The following CAMTA1 variants were observed in gnomAD, a reference collection of about 807,000 sequenced individuals.
CAMTA1 encodes calmodulin-binding transcription activator 1.
A neutral mutation model predicts 170.9 loss-of-function variants in CAMTA1; 27 were observed. The ratio of observed to expected loss-of-function variants is 0.16; its 90% CI spans 0.12 to 0.22. The LOEUF (loss-of-function observed/expected upper bound fraction) is 0.22. Ranked by LOEUF, CAMTA1 falls within the 10% of genes least tolerant of loss-of-function variation. The pLI is 1.00. For synonymous variants in CAMTA1, 833 were observed against 891.5 expected (o/e 0.93, Z 1.17); for missense variants, 1,619 against 2,217.2 (o/e 0.73, Z 5.42).
chr1:6,931,579 C>G (rs1348778307), intron 3 of CAMTA1, among the ~76,000 whole-genome samples: 1 of 152,196 alleles, frequency 6.6e-6, no homozygotes, highest in Non-Finnish European at 1.5e-5. Flanking sequence ...CCTCCAAGTT[C>G]TGCCCAACGA....
chr1:7,262,613 G>T (rs1668345200), intron 5 of CAMTA1, among the ~76,000 whole-genome samples: 1 of 152,182 alleles, frequency 6.6e-6, no homozygotes, highest in African/African-American at 2.4e-5. Flanking sequence ...GCAGAACGAG[G>T]CTGCCTTGAT....
intron 4 of CAMTA1, among the ~76,000 whole-genome samples, chr1:7,167,100 C>T (rs531745199): frequency 6.6e-6 from 1 of 152,024 alleles, no homozygotes; most frequent in African/African-American, 2.4e-5. Context: ...TATGAGCCAC[C>T]GTGCCCGGAC....
Position 7,435,778 on chromosome 1 carries a change from C to T in CAMTA1, c.439-32052C>T, listed in dbSNP as rs774874931. Among the ~76,000 whole-genome samples the T allele has an allele frequency of 6.3e-4, 96 of 152,210 alleles. No homozygotes were observed. Among genetic ancestry groups the T allele is most frequent in the Non-Finnish European group, 1.1e-3 (78 of 68,026 alleles). ...GCCTATCTGAAGTCAGGGCAATCCA[C>T]GCAGAGAGCCCTCCTCATGGCCCGG... On this transcript the variant is annotated intron_variant, in intron 5 of 22. Transcript: ENST00000303635. The surrounding 1 kb of genome is among the most constrained non-coding windows in gnomAD (Gnocchi z 4.4).
chr1:7,567,285 T>C (rs948371422), intron 6 of CAMTA1, among the ~76,000 whole-genome samples: 3 of 151,920 alleles, frequency 2.0e-5, no homozygotes, highest in Non-Finnish European at 4.4e-5. Context: ...CGAAGTGTGG[T>C]GATGAGGACC....
At chr1:6,894,892 C>G (rs865822003) in intron 3 of CAMTA1, among the ~76,000 whole-genome samples, 9 of 152,078 alleles carry the variant, frequency 5.9e-5, no homozygotes, top group South Asian at 2.1e-4. Context: ...GTTTTAAAAG[C>G]CTGGTAAAAG....
chr1:7,126,938 T>C (rs1340798939), intron 4 of CAMTA1, among the ~76,000 whole-genome samples: 1 of 152,040 alleles, frequency 6.6e-6, no homozygotes, highest in Non-Finnish European at 1.5e-5. Flanking sequence ...GCCCAGCTAA[T>C]TTTTGTATTT....
At chr1:6,923,228 C>T (rs1489319399) in intron 3 of CAMTA1, among the ~76,000 whole-genome samples, 1 of 152,114 alleles carries the variant, frequency 6.6e-6, no homozygotes, top group Non-Finnish European at 1.5e-5. Context: ...GCTGTCCGAC[C>T]AGTGATGGCT....
chr1:7,148,037 C>T (rs1646330963), intron 4 of CAMTA1, among the ~76,000 whole-genome samples: 1 of 151,598 alleles, frequency 6.6e-6, no homozygotes, highest in South Asian at 2.1e-4. Flanking sequence ...ACACCACACA[C>T]TCATACACCA....
chr1:6,819,235 T>C (rs533439956), intron 1 of CAMTA1, among the ~76,000 whole-genome samples: 38 of 152,210 alleles, frequency 2.5e-4, no homozygotes, highest in Admixed American at 9.2e-4. Context: ...TTTTATTTAA[T>C]ACTGCAGCCA....
At chr1:7,537,174 G>A (rs563926307) in intron 6 of CAMTA1, among the ~76,000 whole-genome samples, 1 of 152,238 alleles carries the variant, frequency 6.6e-6, no homozygotes, top group South Asian at 2.1e-4. Context: ...CTAAGCAGGA[G>A]GGACGCATTG....
intron 5 of CAMTA1, among the ~76,000 whole-genome samples, chr1:7,364,226 C>A (rs1484043558): frequency 1.3e-5 from 2 of 152,184 alleles, no homozygotes; most frequent in Non-Finnish European, 2.9e-5. Context: ...GGCAGCGAGA[C>A]CAGCGAGGTG....
At chr1:7,284,915 G>T (rs530645023) in intron 5 of CAMTA1, among the ~76,000 whole-genome samples, 47 of 152,314 alleles carry the variant, frequency 3.1e-4, no homozygotes, top group African/African-American at 1.1e-3. Flanking sequence ...CTCGTGCAAG[G>T]AAGGATAGCC....
chr1:7,706,531 G>A (rs2096526793), intron 11 of CAMTA1, among the ~76,000 whole-genome samples: 1 of 152,174 alleles, frequency 6.6e-6, no homozygotes, highest in Non-Finnish European at 1.5e-5. Context: ...TTCCTGCTGT[G>A]TGTTTAGAAA....
intron 6 of CAMTA1, among the ~76,000 whole-genome samples, chr1:7,478,438 C>A (rs1366749612): frequency 6.6e-6 from 1 of 152,230 alleles, no homozygotes; most frequent in Admixed American, 6.5e-5. Flanking sequence ...ACCAGGACCT[C>A]TCCTGGCCTG....
At chr1:7,539,539 T>G (rs764747827) in intron 6 of CAMTA1, among the ~76,000 whole-genome samples, 2 of 152,246 alleles carry the variant, frequency 1.3e-5, no homozygotes, top group Non-Finnish European at 2.9e-5. Flanking sequence ...AGGGGATATA[T>G]CACTCCGAAG....
At chr1:7,204,359 T>C (rs1657280631) in intron 4 of CAMTA1, among the ~76,000 whole-genome samples, 1 of 152,152 alleles carries the variant, frequency 6.6e-6, no homozygotes, top group Non-Finnish European at 1.5e-5. Flanking sequence ...TTTTGGTATG[T>C]TGTGTCTTCA....
At chr1:7,594,199 GGGGA>G (rs1032995681) in intron 6 of CAMTA1, among the ~76,000 whole-genome samples, 5 of 89,806 alleles carry the variant, frequency 5.6e-5, no homozygotes, top group Non-Finnish European at 1.2e-4. Context: ...AAAGGAGGGA[GGGGA>G]AGGAAGGAAG....
At chr1:7,412,873 G>T (rs993477544) in intron 5 of CAMTA1, among the ~76,000 whole-genome samples, 2 of 152,180 alleles carry the variant, frequency 1.3e-5, no homozygotes, top group African/African-American at 4.8e-5. Context: ...TTCTTCTAGG[G>T]TTTTTATGCT....
At chr1:7,453,416 C>G (rs185727123) in intron 5 of CAMTA1, among the ~76,000 whole-genome samples, 9 of 152,352 alleles carry the variant, frequency 5.9e-5, no homozygotes, top group Admixed American at 5.2e-4. Flanking sequence ...CTCCTGGACC[C>G]CAAATCTAGG....
Sources: gnomAD v4.1 joint callset for allele counts (sites outside exome capture counted in the v4.1 genomes callset) on GRCh38, gnomAD v4.1.1 for gene constraint, Gnocchi (gnomAD v3.1) non-coding constraint, MANE v1.5 for transcripts, NCBI Gene and HGNC (gene_info 2026-07-23, HGNC 2026-07-21) for gene names.